The following PHF14 variants were observed in gnomAD, a reference collection of about 807,000 sequenced individuals.
PHF14 encodes the protein PHD finger protein 14.
In PHF14, 55 loss-of-function variants were observed where a neutral mutation model predicts 117.9. That is an observed-to-expected ratio of 0.47 (90% CI 0.38 to 0.58). The LOEUF (loss-of-function observed/expected upper bound fraction) is 0.58. Among genes scored for constraint, PHF14 ranks in the 20% least tolerant of loss-of-function variants. The pLI, the probability that PHF14 is intolerant of heterozygous loss-of-function variation, is 0.00. For synonymous variants in PHF14, 409 were observed against 368.6 expected, an observed-to-expected ratio of 1.11 and a Z score of -1.26; for missense variants, 978 against 1,122.2, an observed-to-expected ratio of 0.87 and a Z score of 1.84.
At chr7:11,055,581 A>T (rs1351409173) in intron 14 of PHF14, among the ~76,000 whole-genome samples, 1 of 152,148 alleles carries the variant, frequency 6.6e-6, no homozygotes, top group Non-Finnish European at 1.5e-5. Context: ...GTTTTTCAGG[A>T]TGCATTATTT....
intron 17 of PHF14, among the ~76,000 whole-genome samples, chr7:11,141,487 A>C (rs1301902287): frequency 6.6e-6 from 1 of 152,102 alleles, no homozygotes; most frequent in East Asian, 1.9e-4. Context: ...ATCTCACAGT[A>C]TGATTATGCT....
intron 17 of PHF14, among the ~76,000 whole-genome samples, chr7:11,137,489 T>C (rs1362318464): frequency 6.6e-6 from 1 of 152,172 alleles, no homozygotes; most frequent in Non-Finnish European, 1.5e-5. Context: ...AACTGCAGTT[T>C]TAATAGTTTT....
At chr7:11,073,310 A>G (rs1785695367) in intron 16 of PHF14, among the ~76,000 whole-genome samples, 1 of 152,220 alleles carries the variant, frequency 6.6e-6, no homozygotes. Context: ...TTGGGTAAAC[A>G]TTCCCATGTC....
At chr7:11,075,589 TTA>T (rs1411337904) in intron 16 of PHF14, among the ~76,000 whole-genome samples, 7 of 120,804 alleles carry the variant, frequency 5.8e-5, no homozygotes, top group Admixed American at 8.8e-5. Context: ...TTTTTTTTTT[TTA>T]TTATTATGCC....
intron 16 of PHF14, chr7:11,110,671 T>TA (rs11390328): frequency 0.57 from 113,476 of 199,896 alleles, 35,145 homozygotes; most frequent in East Asian, 0.86. Flanking sequence ...AAGTGACAGG[T>TA]AATTTGTGAG....
At chr7:10,985,886 C>T (rs765604795) in intron 3 of PHF14, among the ~76,000 whole-genome samples, 1 of 152,034 alleles carries the variant, frequency 6.6e-6, no homozygotes, top group Non-Finnish European at 1.5e-5. Context: ...CTCCTGACCT[C>T]AAGTGATCCA....
intron 17 of PHF14, among the ~76,000 whole-genome samples, chr7:11,155,588 G>C (rs1788818506): frequency 6.6e-6 from 1 of 152,040 alleles, no homozygotes; most frequent in African/African-American, 2.4e-5. Flanking sequence ...ATTTTTTGGA[G>C]AGTAGGGGAC....
intron 17 of PHF14, among the ~76,000 whole-genome samples, chr7:11,135,940 C>T (rs1788208504): frequency 6.6e-6 from 1 of 151,992 alleles, no homozygotes; most frequent in Non-Finnish European, 1.5e-5. Context: ...TGTATGAAAA[C>T]TGATAAAGAA....
chr7:11,078,178 A>G (rs1048777420), intron 16 of PHF14, among the ~76,000 whole-genome samples: 5 of 152,070 alleles, frequency 3.3e-5, no homozygotes, highest in East Asian at 1.9e-4. Context: ...TCTAGGTGGC[A>G]TGTGTGTCAT....
Position 11,094,691 on chromosome 7 carries a change from G to A in PHF14, c.2655-16659G>A, listed in dbSNP as rs115203698. On this transcript the variant is annotated intron_variant, in intron 16 of 17. Transcript: ENST00000634607. ...TGGGGCTGTGGCTCCCAAGGCTTCT[G>A]TACTCTGATATTAGCCAACATTTCA... Among the ~76,000 whole-genome samples the A allele has an allele frequency of 1.1e-3, 163 of 152,280 alleles. 1 individual carries two copies. The highest frequency in any genetic ancestry group is 3.8e-3 in the African/African-American group (158 of 41,550).
chr7:11,120,519 T>TTCCTTG, intron 17 of PHF14, among the ~76,000 whole-genome samples: 1 of 152,098 alleles, frequency 6.6e-6, no homozygotes, highest in Non-Finnish European at 1.5e-5. Context: ...AGGTCAAGTC[T>TTCCTTG]AACTTTTTCA....
At chr7:11,135,841 GA>G (rs1013421035) in intron 17 of PHF14, among the ~76,000 whole-genome samples, 2 of 152,070 alleles carry the variant, frequency 1.3e-5, no homozygotes, top group Non-Finnish European at 2.9e-5. Flanking sequence ...TTTTTAATTT[GA>G]AAACCAGTTC....
intron 6 of PHF14, among the ~76,000 whole-genome samples, chr7:11,026,091 G>A (rs1783899805): frequency 6.9e-6 from 1 of 144,536 alleles, no homozygotes; most frequent in African/African-American, 2.6e-5. Context: ...CAGCCTGGGT[G>A]ACAGTGTGAG....
At chr7:11,026,004 C>T (rs908915767) in intron 6 of PHF14, among the ~76,000 whole-genome samples, 4 of 150,836 alleles carry the variant, frequency 2.7e-5, no homozygotes, top group South Asian at 4.2e-4. Flanking sequence ...CCCAGCTACT[C>T]AGGAAGCTGA....
At chr7:11,031,507 CT>C (rs1314994023) in intron 7 of PHF14, among the ~76,000 whole-genome samples, 1 of 151,088 alleles carries the variant, frequency 6.6e-6, no homozygotes, top group African/African-American at 2.4e-5. Context: ...AATCTCAACA[CT>C]TTGGGAGGCC....
At chr7:11,060,974 T>C (rs981403533) in intron 14 of PHF14, among the ~76,000 whole-genome samples, 1 of 152,124 alleles carries the variant, frequency 6.6e-6, no homozygotes, top group Non-Finnish European at 1.5e-5. Context: ...GTAATTCTGT[T>C]TAGAATTATT....
chr7:10,989,197 G>A (rs942591270), intron 3 of PHF14, among the ~76,000 whole-genome samples: 1 of 152,032 alleles, frequency 6.6e-6, no homozygotes. Context: ...CAAATCTGCC[G>A]CAATTTTAGA....
chr7:11,075,540 CT>C (rs927784033), intron 16 of PHF14, among the ~76,000 whole-genome samples: 9 of 145,020 alleles, frequency 6.2e-5, no homozygotes, highest in Admixed American at 2.1e-4. Flanking sequence ...CAAGAACTCA[CT>C]CATTCCCATG....
intron 17 of PHF14, among the ~76,000 whole-genome samples, chr7:11,133,604 A>G (rs1374363354): frequency 6.6e-6 from 1 of 151,980 alleles, no homozygotes; most frequent in Non-Finnish European, 1.5e-5. Flanking sequence ...AGAAGAGGAC[A>G]GGAAAAGCTA....
Sources: allele counts gnomAD v4.1 joint callset (sites outside exome capture counted in the v4.1 genomes callset), GRCh38; gene constraint gnomAD v4.1.1; transcripts MANE v1.5; gene names NCBI Gene and HGNC (gene_info 2026-07-23, HGNC 2026-07-21).